The following MAF variants were observed in gnomAD, a reference collection of about 807,000 sequenced individuals.
MAF encodes the protein transcription factor Maf.
Under a neutral mutation model 22.0 loss-of-function variants are expected in MAF, and 10 were observed. The ratio of observed to expected loss-of-function variants is 0.45; its 90% CI spans 0.28 to 0.77. MAF has a LOEUF of 0.77. MAF is among the 30% of genes least tolerant of loss of function. The probability of loss-of-function intolerance (pLI) is 0.12; values close to 1 mark genes in which losing one functional copy is unlikely to be tolerated. For synonymous variants in MAF, 337 were observed against 255.8 expected (o/e 1.32, Z -3.03); for missense variants, 544 against 548.4 (o/e 0.99, Z 0.08).
At chr16:79,212,471 T>C in the MAF span, 2 of 231,354 alleles carry the variant, frequency 8.6e-6, no homozygotes, top group Non-Finnish European at 1.7e-5. Flanking sequence ...AAATCATTCC[T>C]TAGATACCTT....
the MAF span, among the ~76,000 whole-genome samples, chr16:79,273,999 G>A: frequency 7.3e-6 from 1 of 137,526 alleles, no homozygotes; most frequent in Non-Finnish European, 1.5e-5. Context: ...CTGTCACCCA[G>A]GTTAGAGTGC....
At chr16:79,235,916 C>T in the MAF span, among the ~76,000 whole-genome samples, 1 of 152,006 alleles carries the variant, frequency 6.6e-6, no homozygotes, top group Non-Finnish European at 1.5e-5. Context: ...TCCCTCACTG[C>T]AAGCCAAGCC....
the MAF span, among the ~76,000 whole-genome samples, chr16:79,538,837 GGAAA>G: frequency 6.2e-5 from 6 of 97,048 alleles, no homozygotes; most frequent in East Asian, 2.5e-4. Context: ...AAAGAAAGAA[GGAAA>G]GAAAGAAAGA....
chr16:79,268,847 A>T, the MAF span, among the ~76,000 whole-genome samples: 1 of 152,164 alleles, frequency 6.6e-6, no homozygotes, highest in Non-Finnish European at 1.5e-5. Context: ...CTTGTCTGCA[A>T]TTCTTCCCTG....
At chr16:79,450,786 A>AT in the MAF span, among the ~76,000 whole-genome samples, 1 of 149,916 alleles carries the variant, frequency 6.7e-6, no homozygotes, top group Non-Finnish European at 1.5e-5. Context: ...CAAGGAGCTG[A>AT]TAAAAACTGA....
chr16:79,390,220 T>G, the MAF span, among the ~76,000 whole-genome samples: 11 of 152,106 alleles, frequency 7.2e-5, no homozygotes, highest in Middle Eastern at 3.4e-3. Context: ...CGGGTTTATT[T>G]TGGCAATATT....
the MAF span, among the ~76,000 whole-genome samples, chr16:79,576,902 A>G: frequency 1.3e-5 from 2 of 152,200 alleles, no homozygotes; most frequent in South Asian, 2.1e-4. Context: ...TAGTGTTACT[A>G]CAGATTTTGC....
the MAF span, among the ~76,000 whole-genome samples, chr16:79,397,974 C>T: frequency 6.6e-6 from 1 of 152,234 alleles, no homozygotes; most frequent in Non-Finnish European, 1.5e-5. Context: ...CTAAAAACAA[C>T]ATAAATTTAT....
the MAF span, among the ~76,000 whole-genome samples, chr16:79,522,537 G>T: frequency 6.6e-6 from 1 of 152,284 alleles, no homozygotes; most frequent in African/African-American, 2.4e-5. Flanking sequence ...CCGGCACAGG[G>T]TAAGCATGTC....
chr16:79,592,971 TTG>T (rs1913271128), downstream of MAF, among the ~76,000 whole-genome samples: 1 of 152,152 alleles, frequency 6.6e-6, no homozygotes, highest in Non-Finnish European at 1.5e-5. Flanking sequence ...AAGAGCTTGG[TTG>T]TGTGTTTTAC....
At chr16:79,553,913 A>G in the MAF span, among the ~76,000 whole-genome samples, 1 of 151,830 alleles carries the variant, frequency 6.6e-6, no homozygotes, top group African/African-American at 2.4e-5. Context: ...ATATGGTGAA[A>G]CTCCATCTCT....
the MAF span, among the ~76,000 whole-genome samples, chr16:79,461,087 G>A: frequency 6.6e-6 from 1 of 152,176 alleles, no homozygotes; most frequent in Non-Finnish European, 1.5e-5. Context: ...TGTCTATAAA[G>A]TAGGCATAAC....
chr16:79,299,681 T>C, the MAF span, among the ~76,000 whole-genome samples: 1 of 152,084 alleles, frequency 6.6e-6, no homozygotes, highest in East Asian at 1.9e-4. Context: ...CATGGCACAG[T>C]GACATGGCAA....
the MAF span, among the ~76,000 whole-genome samples, chr16:79,544,559 G>C: frequency 6.6e-6 from 1 of 152,098 alleles, no homozygotes; most frequent in Non-Finnish European, 1.5e-5. Flanking sequence ...TGGATCACAA[G>C]GTCAGGAGAT....
chr16:79,399,809 A>C, the MAF span, among the ~76,000 whole-genome samples: 1 of 152,200 alleles, frequency 6.6e-6, no homozygotes, highest in African/African-American at 2.4e-5. Context: ...CAGCTTGCCC[A>C]TGATGGTGCC....
the MAF span, among the ~76,000 whole-genome samples, chr16:79,519,791 C>T: frequency 6.6e-6 from 1 of 152,260 alleles, no homozygotes; most frequent in Non-Finnish European, 1.5e-5. Context: ...CCTGTGTTCA[C>T]AGCGCAGGTA....
At chr16:79,250,412 G>A in the MAF span, among the ~76,000 whole-genome samples, 38 of 152,358 alleles carry the variant, frequency 2.5e-4, no homozygotes, top group African/African-American at 7.2e-4. Context: ...AAGAGACTGC[G>A]GAGAGGTCAT....
chr16:79,518,581 C>T, the MAF span, among the ~76,000 whole-genome samples: 3 of 152,214 alleles, frequency 2.0e-5, no homozygotes, highest in Non-Finnish European at 4.4e-5. Flanking sequence ...GGGAAAGTTA[C>T]TTGGCCCCTT....
At chr16:79,292,764 C>G in the MAF span, among the ~76,000 whole-genome samples, 2 of 152,098 alleles carry the variant, frequency 1.3e-5, no homozygotes, top group Non-Finnish European at 2.9e-5. Context: ...AAGAAGCCAT[C>G]CAAAACCCAC....
Sources: gnomAD v4.1 joint callset for allele counts (sites outside exome capture counted in the v4.1 genomes callset) on GRCh38, gnomAD v4.1.1 for gene constraint, MANE v1.5 for transcripts, NCBI Gene and HGNC (gene_info 2026-07-23, HGNC 2026-07-21) for gene names.